EXOC4: variants seen among roughly 807,000 people sequenced by gnomAD.
EXOC4 encodes SEC8-like 1.
In EXOC4, 71 loss-of-function variants were observed where a neutral mutation model predicts 107.2. The observed-to-expected ratio is 0.66, with a 90% CI of 0.55 to 0.81. The LOEUF is 0.81. EXOC4 is among the 30% of genes least tolerant of loss of function. EXOC4 has a pLI of 0.00. For missense variants in EXOC4, 1,108 were observed against 1,189.6 expected (o/e 0.93, Z 1.01); for synonymous variants, 456 against 441.2 (o/e 1.03, Z -0.42).
intron 9 of EXOC4, among the ~76,000 whole-genome samples, chr7:133,581,535 G>A (rs1273919116): frequency 1.3e-5 from 2 of 151,750 alleles, no homozygotes; most frequent in Admixed American, 6.6e-5. Context: ...GAGGCGGGCG[G>A]ATCACGAGGT....
intron 9 of EXOC4, among the ~76,000 whole-genome samples, chr7:133,533,560 G>C (rs1273931620): frequency 6.6e-6 from 1 of 152,098 alleles, no homozygotes. Context: ...TTTAAAAAAG[G>C]GACATTGGTA....
chr7:133,372,621 A>G (rs1747371017), intron 6 of EXOC4, among the ~76,000 whole-genome samples: 1 of 151,954 alleles, frequency 6.6e-6, no homozygotes, highest in South Asian at 2.1e-4. Flanking sequence ...CAAGGTATGC[A>G]GTTGTGGCAC....
intron 15 of EXOC4, among the ~76,000 whole-genome samples, chr7:134,000,345 A>C (rs1387646832): frequency 6.6e-6 from 1 of 152,174 alleles, no homozygotes; most frequent in Non-Finnish European, 1.5e-5. Context: ...ATAACGCTAG[A>C]ATAGAGGTGT....
chr7:133,779,781 C>T (rs1190991525), intron 10 of EXOC4, among the ~76,000 whole-genome samples: 1 of 151,990 alleles, frequency 6.6e-6, no homozygotes, highest in African/African-American at 2.4e-5. Context: ...AATCAGCACA[C>T]TGTAAAATGG....
intron 11 of EXOC4, among the ~76,000 whole-genome samples, chr7:133,865,328 G>C (rs1376428643): frequency 1.3e-5 from 2 of 152,282 alleles, no homozygotes; most frequent in East Asian, 3.9e-4. Flanking sequence ...AAAACCTCCA[G>C]GGTCCTCTCA....
intron 7 of EXOC4, among the ~76,000 whole-genome samples, chr7:133,458,334 C>T (rs1181677239): frequency 6.6e-6 from 1 of 152,208 alleles, no homozygotes; most frequent in African/African-American, 2.4e-5. Flanking sequence ...ACTCCAAAGA[C>T]ATGGTTTTGC....
At chr7:133,553,840 C>T (rs887652594) in intron 9 of EXOC4, among the ~76,000 whole-genome samples, 11 of 152,110 alleles carry the variant, frequency 7.2e-5, no homozygotes, top group African/African-American at 1.9e-4. Context: ...AAGTTTTTAT[C>T]GCTCACGTAA....
At chr7:133,527,474 G>T (rs763872360) in intron 9 of EXOC4, among the ~76,000 whole-genome samples, 2 of 152,066 alleles carry the variant, frequency 1.3e-5, no homozygotes, top group African/African-American at 2.4e-5. Context: ...CTCTATGTTG[G>T]TTAACTAAAG....
intron 10 of EXOC4, among the ~76,000 whole-genome samples, chr7:133,666,972 A>T (rs533779687): frequency 5.3e-5 from 8 of 152,088 alleles, no homozygotes; most frequent in Non-Finnish European, 8.8e-5. Flanking sequence ...ACTTTTCCAG[A>T]TGGGTGTCTT....
intron 10 of EXOC4, among the ~76,000 whole-genome samples, chr7:133,712,622 T>C (rs563194402): frequency 6.6e-6 from 1 of 151,998 alleles, no homozygotes; most frequent in East Asian, 1.9e-4. Context: ...AAATAAAAAT[T>C]TAAAAAGGGA....
intron 1 of EXOC4, 124 bp downstream of exon 1, chr7:133,253,311 C>T (rs892588079): frequency 1.7e-5 from 24 of 1,438,162 alleles, no homozygotes; most frequent in African/African-American, 4.4e-5. Flanking sequence ...CCCGCAGCCC[C>T]TCCCCAGGGC....
intron 9 of EXOC4, among the ~76,000 whole-genome samples, chr7:133,514,558 A>T (rs1422058396): frequency 6.6e-6 from 1 of 152,178 alleles, no homozygotes; most frequent in Admixed American, 6.5e-5. Flanking sequence ...AAATTTGACC[A>T]AGAGGTGCTT....
chr7:133,384,041 G>T (rs1167065084), intron 7 of EXOC4, among the ~76,000 whole-genome samples: 1 of 152,136 alleles, frequency 6.6e-6, no homozygotes, highest in Non-Finnish European at 1.5e-5. Flanking sequence ...TCCCTGTGTT[G>T]TTTTATGTTC....
At chr7:133,435,403 C>G (rs933046424) in intron 7 of EXOC4, among the ~76,000 whole-genome samples, 1 of 152,066 alleles carries the variant, frequency 6.6e-6, no homozygotes, top group African/African-American at 2.4e-5. Context: ...CAGACAAGCT[C>G]CTCTTGCTAA....
intron 13 of EXOC4, among the ~76,000 whole-genome samples, chr7:133,929,915 C>G (rs1800139113): frequency 1.3e-5 from 2 of 152,050 alleles, no homozygotes; most frequent in Admixed American, 1.3e-4. Flanking sequence ...CTTGCTTTTG[C>G]CTGAGGTCAA....
intron 8 of EXOC4, among the ~76,000 whole-genome samples, chr7:133,477,127 CTG>C (rs1270200278): frequency 6.6e-6 from 1 of 152,156 alleles, no homozygotes; most frequent in Admixed American, 6.5e-5. Context: ...GTATTAGCGT[CTG>C]TTTGTTAGAA....
At chr7:133,625,399 T>C (rs966521470) in intron 9 of EXOC4, among the ~76,000 whole-genome samples, 1 of 152,234 alleles carries the variant, frequency 6.6e-6, no homozygotes, top group Non-Finnish European at 1.5e-5. Context: ...ATCACACTTA[T>C]GCTAATAATG....
intron 10 of EXOC4, among the ~76,000 whole-genome samples, chr7:133,698,345 A>C (rs768024585): frequency 1.3e-5 from 2 of 152,094 alleles, no homozygotes; most frequent in Admixed American, 1.3e-4. Flanking sequence ...CATGCCTATA[A>C]TCCCAGCACT....
At chr7:133,625,522 G>A (rs1479058755) in intron 9 of EXOC4, among the ~76,000 whole-genome samples, 7 of 152,122 alleles carry the variant, frequency 4.6e-5, no homozygotes, top group Non-Finnish European at 7.4e-5. Context: ...TTCTGTTTGT[G>A]TTTTATTAAT....
Sources: gnomAD v4.1 joint callset for allele counts (sites outside exome capture counted in the v4.1 genomes callset) on GRCh38, gnomAD v4.1.1 for gene constraint, MANE v1.5 for transcripts, NCBI Gene and HGNC (gene_info 2026-07-23, HGNC 2026-07-21) for gene names.